The following RIMS1 variants were observed in gnomAD, a reference collection of about 807,000 sequenced individuals.
The protein encoded by RIMS1 is regulating synaptic membrane exocytosis 1, also known as regulating synaptic membrane exocytosis protein 1.
Under a neutral mutation model 214.1 loss-of-function variants are expected in RIMS1, and 83 were observed. The observed-to-expected ratio is 0.39, with a 90% CI of 0.32 to 0.47. The LOEUF is 0.47. RIMS1 is among the 20% of genes least tolerant of loss of function. The pLI is 0.99. For missense variants in RIMS1, 2,050 were observed against 2,161.8 expected, an observed-to-expected ratio of 0.95 and a Z score of 1.03; for synonymous variants, 793 against 786.8, an observed-to-expected ratio of 1.01 and a Z score of -0.13.
intron 2 of RIMS1, among the ~76,000 whole-genome samples, chr6:71,986,776 T>C (rs1282323612): frequency 6.6e-6 from 1 of 152,260 alleles, no homozygotes; most frequent in East Asian, 1.9e-4. Flanking sequence ...AGTGTGGGCA[T>C]TGCCATTAGA....
chr6:72,124,111 C>T (rs1381367179), intron 4 of RIMS1, among the ~76,000 whole-genome samples: 4 of 151,844 alleles, frequency 2.6e-5, no homozygotes, highest in African/African-American at 9.7e-5. Flanking sequence ...TGGCTGGTCC[C>T]AGTTGTTCCT....
chr6:72,117,171 T>G (rs2037251390), intron 4 of RIMS1, among the ~76,000 whole-genome samples: 1 of 151,962 alleles, frequency 6.6e-6, no homozygotes, highest in Non-Finnish European at 1.5e-5. Context: ...GAAATTTTAA[T>G]TCAGTAGGTT....
chr6:72,243,330 A>G (rs1193506656), intron 10 of RIMS1, among the ~76,000 whole-genome samples: 1 of 151,778 alleles, frequency 6.6e-6, no homozygotes, highest in East Asian at 1.9e-4. Flanking sequence ...TAATTCTCAA[A>G]GAATGAAAAT....
chr6:71,992,746 A>T lies in RIMS1; in HGVS notation c.245+23683A>T, dbSNP rs535074307. Among the ~76,000 whole-genome samples, 21 of 151,936 alleles carry T rather than the reference A, an allele frequency of 1.4e-4. No individual in the cohort carries two copies. The South Asian group carries it at 3.5e-3, about 26-fold the overall frequency. On this transcript the variant is annotated intron_variant, in intron 2 of 33. Transcript: ENST00000521978. The stretch of plus-strand genomic sequence containing the variant: ...CAGCTCATGGCTCACTGCAGCTTCA[A>T]CCTCCTGGGCTCAGGTGATCCTCCC...
At chr6:72,239,945 GT>G (rs1337752246) in intron 9 of RIMS1, among the ~76,000 whole-genome samples, 2 of 152,068 alleles carry the variant, frequency 1.3e-5, no homozygotes, top group Non-Finnish European at 2.9e-5. Flanking sequence ...TTCATCTGAA[GT>G]TGCCTTAATT....
chr6:72,000,131 A>G (rs1053840243), intron 2 of RIMS1, among the ~76,000 whole-genome samples: 5 of 152,262 alleles, frequency 3.3e-5, no homozygotes, highest in African/African-American at 1.2e-4. Flanking sequence ...AATTTACCCT[A>G]TCCTTCTTGG....
chr6:72,358,601 G>A (rs976216401), intron 29 of RIMS1, among the ~76,000 whole-genome samples: 1 of 152,108 alleles, frequency 6.6e-6, no homozygotes, highest in Non-Finnish European at 1.5e-5. Context: ...AACAAAGAAG[G>A]GGAGGCAGTT....
At chr6:72,124,122 T>G (rs1359890478) in intron 4 of RIMS1, among the ~76,000 whole-genome samples, 2 of 151,994 alleles carry the variant, frequency 1.3e-5, no homozygotes, top group African/African-American at 4.8e-5. Context: ...AGTTGTTCCT[T>G]TCCGTGTTTA....
At chr6:72,007,266 G>A (rs1299308284) in intron 2 of RIMS1, among the ~76,000 whole-genome samples, 2 of 152,222 alleles carry the variant, frequency 1.3e-5, no homozygotes, top group Admixed American at 1.3e-4. Context: ...TGAGGGTTCT[G>A]ACTGTTAGAA....
chr6:71,958,070 G>T (rs1791817656), intron 1 of RIMS1, among the ~76,000 whole-genome samples: 1 of 152,046 alleles, frequency 6.6e-6, no homozygotes, highest in Non-Finnish European at 1.5e-5. Flanking sequence ...AGGATCAAAT[G>T]AGTTAATGCA....
At chr6:72,329,141 G>T (rs371474459) in intron 28 of RIMS1, among the ~76,000 whole-genome samples, 2 of 151,882 alleles carry the variant, frequency 1.3e-5, no homozygotes, top group East Asian at 1.9e-4. Context: ...CCAGGAAAAG[G>T]CATCCTTGGG....
At chr6:72,264,317 T>C (rs74765198) in intron 19 of RIMS1, among the ~76,000 whole-genome samples, 13,830 of 152,276 alleles carry the variant, frequency 0.091, 852 homozygotes, top group Non-Finnish European at 0.12. Flanking sequence ...CAGATGCCGT[T>C]GGGCCAATTT....
At chr6:71,915,100 A>G (rs967069416) in intron 1 of RIMS1, among the ~76,000 whole-genome samples, 1 of 152,132 alleles carries the variant, frequency 6.6e-6, no homozygotes, top group African/African-American at 2.4e-5. Flanking sequence ...AATGTTGCAT[A>G]CAGACCCAAG....
chr6:72,054,931 AG>A (rs1307763551), intron 2 of RIMS1, among the ~76,000 whole-genome samples: 2 of 152,180 alleles, frequency 1.3e-5, no homozygotes, highest in Non-Finnish European at 2.9e-5. Context: ...TAGTTTAACT[AG>A]ATCCCATTTG....
chr6:72,252,440 G>GTAC (rs748356393), intron 15 of RIMS1, among the ~76,000 whole-genome samples: 2 of 152,040 alleles, frequency 1.3e-5, no homozygotes, highest in African/African-American at 2.4e-5. Context: ...GCACTTAATT[G>GTAC]TGTAGAAAAC....
intron 10 of RIMS1, among the ~76,000 whole-genome samples, chr6:72,242,721 A>G (rs1231710055): frequency 1.3e-5 from 2 of 151,896 alleles, no homozygotes; most frequent in East Asian, 3.8e-4. Context: ...TTTTCTTTTA[A>G]TGGCAGATAT....
At chr6:72,093,783 C>T (rs541439658) in intron 2 of RIMS1, among the ~76,000 whole-genome samples, 4 of 151,422 alleles carry the variant, frequency 2.6e-5, no homozygotes, top group Admixed American at 6.6e-5. Context: ...GTATTTTTTC[C>T]GCTACTGGTT....
chr6:72,336,133 A>G (rs2096836049), intron 29 of RIMS1, among the ~76,000 whole-genome samples: 1 of 151,804 alleles, frequency 6.6e-6, no homozygotes, highest in African/African-American at 2.4e-5. Flanking sequence ...GAGAGATTGT[A>G]AGTTTACAAG....
chr6:71,937,933 C>A (rs1027948224), intron 1 of RIMS1, among the ~76,000 whole-genome samples: 2 of 152,076 alleles, frequency 1.3e-5, no homozygotes, highest in Non-Finnish European at 2.9e-5. Flanking sequence ...AGTCCAAAAT[C>A]CGGAGTCTCA....
Sources: gnomAD v4.1 joint callset for allele counts (sites outside exome capture counted in the v4.1 genomes callset) on GRCh38, gnomAD v4.1.1 for gene constraint, MANE v1.5 for transcripts, NCBI Gene and HGNC (gene_info 2026-07-23, HGNC 2026-07-21) for gene names.